MGAT4C: variants seen among roughly 807,000 people sequenced by gnomAD.
The protein encoded by MGAT4C is alpha-1,3-mannosyl-glycoprotein 4-beta-N-acetylglucosaminyltransferase C.
Under a neutral mutation model 40.1 loss-of-function variants are expected in MGAT4C, and 19 were observed. The observed-to-expected ratio is 0.47, with a 90% CI of 0.33 to 0.70. The LOEUF is 0.70. Ranked by LOEUF, MGAT4C falls within the 30% of genes least tolerant of loss-of-function variation. MGAT4C has a pLI of 0.02. For synonymous variants in MGAT4C, 181 were observed against 187.1 expected (o/e 0.97, Z 0.27); for missense variants, 491 against 563.2 (o/e 0.87, Z 1.30).
intron 4 of MGAT4C, among the ~76,000 whole-genome samples, chr12:86,289,977 A>G (rs1953465031): frequency 6.6e-6 from 1 of 152,128 alleles, no homozygotes; most frequent in Non-Finnish European, 1.5e-5. Context: ...TTTTTTCCTT[A>G]AAAAGAGACA....
At chr12:86,003,618 T>C (rs1565843764) in intron 2 of MGAT4C, among the ~76,000 whole-genome samples, 1 of 152,198 alleles carries the variant, frequency 6.6e-6, no homozygotes, top group African/African-American at 2.4e-5. Flanking sequence ...TGCAATATAG[T>C]TGCTGAAAAC....
rs994475914 is a variant in MGAT4C at position 86,339,433 on chromosome 12, A to G, written c.-119-5306T>C. Among the ~76,000 whole-genome samples the G allele has an allele frequency of 6.6e-4, 100 of 152,228 alleles. 1 individual carries two copies. The highest frequency in any genetic ancestry group is 2.1e-3 in the African/African-American group (86 of 41,464). ...TCAATTAGGAAATGATATTTCAGATAGATTTTAAAGAATGAAAAGAATATT... is the reference window on the plus strand; with the variant it reads ...TCAATTAGGAAATGATATTTCAGATGGATTTTAAAGAATGAAAAGAATATT... On this transcript the variant is annotated intron_variant, in intron 3 of 7. Coordinates refer to the MGAT4C transcript ENST00000548651.
chr12:86,224,963 G>T (rs1389222912), intron 1 of MGAT4C, among the ~76,000 whole-genome samples: 1 of 151,236 alleles, frequency 6.6e-6, no homozygotes, highest in Admixed American at 6.6e-5. Flanking sequence ...CCAAAATAGA[G>T]AATTAAAAAA....
At chr12:86,250,260 A>C (rs1296147562) in intron 1 of MGAT4C, among the ~76,000 whole-genome samples, 1 of 151,954 alleles carries the variant, frequency 6.6e-6, no homozygotes, top group African/African-American at 2.4e-5. Context: ...ATCTCTCTTG[A>C]GGTAGTATTA....
rs2136660923 is a variant in MGAT4C at position 85,972,489 on chromosome 12, T to A, written c.*6800A>T. 6.6e-6 allele frequency: 1 copy of A among 151,184 alleles called. No homozygotes were observed. Among genetic ancestry groups the A allele is most frequent in the South Asian group, 2.1e-4 (1 of 4,816 alleles). 9.4% of individuals were successfully genotyped at this position (151,184 alleles called of 1,614,324 possible). ...TTATTTTTAATATATTGCTTCTTTA[T>A]TAAAAAAAGATACAATCCTTCAATG... On this transcript the variant is annotated 3_prime_UTR_variant, in exon 5 of 5. Transcript: ENST00000611864.
chr12:86,483,174 G>C (rs987053509), intron 2 of MGAT4C, among the ~76,000 whole-genome samples: 16 of 152,102 alleles, frequency 1.1e-4, no homozygotes, highest in African/African-American at 3.6e-4. Context: ...TTTCTTTTAT[G>C]AAAACACCAG....
chr12:86,805,719 T>G (rs774837543), intron 1 of MGAT4C, among the ~76,000 whole-genome samples: 13 of 151,942 alleles, frequency 8.6e-5, no homozygotes, highest in Non-Finnish European at 1.5e-4. Flanking sequence ...ATGATTTATT[T>G]TCTTTTGGAT....
At chr12:86,664,220 C>T (rs533411117) in intron 2 of MGAT4C, among the ~76,000 whole-genome samples, 6 of 151,650 alleles carry the variant, frequency 4.0e-5, no homozygotes, top group Admixed American at 2.0e-4. Context: ...TTCCCTTTCT[C>T]ATTTTTTCTT....
intron 1 of MGAT4C, among the ~76,000 whole-genome samples, chr12:86,123,164 G>A (rs1435209497): frequency 6.6e-6 from 1 of 152,056 alleles, no homozygotes; most frequent in East Asian, 1.9e-4. Context: ...CTTTGTGAAT[G>A]GTATTTCTCC....
In MGAT4C at chr12:86,649,917, G is replaced by A. The variant is rs112940340; in HGVS notation, c.-229+77292C>T. 3.2e-3 allele frequency among the ~76,000 whole-genome samples: 487 copies of A among 151,876 alleles called. 2 individuals are homozygous for A. Among genetic ancestry groups the A allele is most frequent in the African/African-American group, 0.011 (467 of 41,512 alleles). Reference sequence around the variant, plus strand: ...TAAAACATTTGAAAATATTAAAAATGTTAAAAAGAATTTCAAAGTCAGTAG... The same window carrying A: ...TAAAACATTTGAAAATATTAAAAATATTAAAAAGAATTTCAAAGTCAGTAG... On this transcript the variant is annotated intron_variant, in intron 2 of 7. Coordinates refer to the MGAT4C transcript ENST00000548651.
upstream of MGAT4C, among the ~76,000 whole-genome samples, chr12:86,256,664 A>T (rs2136089006): frequency 6.6e-6 from 1 of 152,302 alleles, no homozygotes; most frequent in African/African-American, 2.4e-5. Flanking sequence ...ATTAGTGAAA[A>T]TTTTATTTTC....
chr12:86,543,750 A>T (rs894270144), intron 2 of MGAT4C, among the ~76,000 whole-genome samples: 1 of 152,176 alleles, frequency 6.6e-6, no homozygotes, highest in Non-Finnish European at 1.5e-5. Context: ...GCAAAAGATA[A>T]TCCAAAATCT....
intron 4 of MGAT4C, among the ~76,000 whole-genome samples, chr12:86,276,872 T>A (rs1953091939): frequency 2.0e-5 from 3 of 152,246 alleles, no homozygotes; most frequent in South Asian, 4.1e-4. Flanking sequence ...TCTTGGCTAT[T>A]ATAAATAGTG....
intron 1 of MGAT4C, among the ~76,000 whole-genome samples, chr12:86,134,945 T>C (rs1881736393): frequency 6.6e-6 from 1 of 152,158 alleles, no homozygotes; most frequent in South Asian, 2.1e-4. Flanking sequence ...TGAGGTATTA[T>C]TCATGGTATT....
At chr12:86,504,893 C>T (rs1026305624) in intron 2 of MGAT4C, among the ~76,000 whole-genome samples, 4 of 152,028 alleles carry the variant, frequency 2.6e-5, no homozygotes, top group Admixed American at 6.6e-5. Flanking sequence ...GTGATCTGCC[C>T]GCCTCGGCTT....
intron 2 of MGAT4C, among the ~76,000 whole-genome samples, chr12:86,675,506 T>C (rs948764998): frequency 6.6e-6 from 1 of 152,164 alleles, no homozygotes; most frequent in Non-Finnish European, 1.5e-5. Flanking sequence ...CTTTTAAAGA[T>C]TGTATGTAAA....
At chr12:86,450,141 G>A (rs924558616) in intron 2 of MGAT4C, among the ~76,000 whole-genome samples, 7 of 151,856 alleles carry the variant, frequency 4.6e-5, no homozygotes, top group African/African-American at 7.3e-5. Flanking sequence ...AACTTTTCTC[G>A]GCGGCAGTGT....
At chr12:86,131,283 T>C (rs1881138779) in intron 1 of MGAT4C, among the ~76,000 whole-genome samples, 1 of 152,128 alleles carries the variant, frequency 6.6e-6, no homozygotes, top group Admixed American at 6.5e-5. Flanking sequence ...TATAATATTC[T>C]GGGGATCAAT....
intron 1 of MGAT4C, among the ~76,000 whole-genome samples, chr12:86,079,350 C>T (rs2135538201): frequency 6.6e-6 from 1 of 152,212 alleles, no homozygotes; most frequent in Non-Finnish European, 1.5e-5. Flanking sequence ...CCTTTTAATT[C>T]ATTTAAGAGT....
Sources: allele counts gnomAD v4.1 joint callset (sites outside exome capture counted in the v4.1 genomes callset), GRCh38; gene constraint gnomAD v4.1.1; transcripts MANE v1.5; gene names NCBI Gene and HGNC (gene_info 2026-07-23, HGNC 2026-07-21).